The following COMMD1 variants were observed in gnomAD, a reference collection of about 807,000 sequenced individuals.
COMMD1 encodes COMM domain-containing protein 1.
In COMMD1, 10 loss-of-function variants were observed where a neutral mutation model predicts 17.2. The ratio of observed to expected loss-of-function variants is 0.58; its 90% CI spans 0.36 to 0.99. COMMD1 has a LOEUF of 0.99. Ranked by LOEUF, COMMD1 falls within the 50% of genes least tolerant of loss-of-function variation. COMMD1 has a pLI of 0.01. For missense variants in COMMD1, 270 were observed against 231.8 expected (o/e 1.17, Z -1.07); for synonymous variants, 97 against 91.6 (o/e 1.06, Z -0.34).
At chr2:61,926,937 A>G (rs866406006) in intron 1 of COMMD1, among the ~76,000 whole-genome samples, 6 of 152,108 alleles carry the variant, frequency 3.9e-5, no homozygotes, top group South Asian at 2.1e-4. Context: ...CCTCTAATCT[A>G]TTGAGACGTG....
At chr2:61,920,873 A>T (rs1216417934) in intron 1 of COMMD1, among the ~76,000 whole-genome samples, 1 of 150,722 alleles carries the variant, frequency 6.6e-6, no homozygotes, top group South Asian at 2.1e-4. Context: ...GGAGGTATAT[A>T]TGTTTATATA....
intron 1 of COMMD1, among the ~76,000 whole-genome samples, chr2:61,892,878 T>C (rs573631150): frequency 1.2e-4 from 18 of 151,584 alleles, no homozygotes; most frequent in Admixed American, 2.6e-4. Flanking sequence ...TCTTTTTTTT[T>C]CCCCCCTGAA....
chr2:62,001,611 T>C (rs1193624516), intron 2 of COMMD1, among the ~76,000 whole-genome samples: 1 of 152,136 alleles, frequency 6.6e-6, no homozygotes, highest in African/African-American at 2.4e-5. Flanking sequence ...CTTTTAATGA[T>C]CTGGCTTATG....
At chr2:62,094,822 C>T (rs192035266) in intron 2 of COMMD1, among the ~76,000 whole-genome samples, 1 of 152,342 alleles carries the variant, frequency 6.6e-6, no homozygotes, top group Admixed American at 6.5e-5. Flanking sequence ...AGTCTCAATA[C>T]AATTTCTGTA....
chr2:61,983,228 C>T (rs189687137), intron 1 of COMMD1, among the ~76,000 whole-genome samples: 264 of 144,944 alleles, frequency 1.8e-3, no homozygotes, highest in African/African-American at 5.7e-3. Flanking sequence ...CTCCCTCTGT[C>T]GCCCAGGTTG....
At chr2:61,953,965 A>G (rs1671125297) in intron 1 of COMMD1, among the ~76,000 whole-genome samples, 1 of 152,104 alleles carries the variant, frequency 6.6e-6, no homozygotes, top group African/African-American at 2.4e-5. Flanking sequence ...CATGCCTGTA[A>G]TCCCAGCACT....
chr2:62,105,018 G>C (rs539582775), intron 2 of COMMD1, among the ~76,000 whole-genome samples: 3 of 151,844 alleles, frequency 2.0e-5, no homozygotes, highest in African/African-American at 7.3e-5. Flanking sequence ...CCAGCTACTC[G>C]GGAGGTTGAG....
intron 1 of COMMD1, among the ~76,000 whole-genome samples, chr2:61,997,049 A>G (rs897830456): frequency 2.0e-5 from 3 of 148,736 alleles, no homozygotes; most frequent in Admixed American, 2.0e-4. Flanking sequence ...TACAAAATGT[A>G]TTTCTTTCTT....
intron 2 of COMMD1, among the ~76,000 whole-genome samples, chr2:62,123,551 A>G (rs1361453933): frequency 2.0e-5 from 3 of 151,178 alleles, no homozygotes; most frequent in Admixed American, 2.0e-4. Flanking sequence ...GAAGGAAGGA[A>G]GGAAAGAAGG....
chr2:62,077,714 G>C (rs1330081139), intron 2 of COMMD1, among the ~76,000 whole-genome samples: 1 of 152,014 alleles, frequency 6.6e-6, no homozygotes, highest in Non-Finnish European at 1.5e-5. Flanking sequence ...AGCCAAATGA[G>C]AGTGGTCATG....
intron 1 of COMMD1, among the ~76,000 whole-genome samples, chr2:61,996,564 A>C (rs1028446747): frequency 3.3e-5 from 5 of 152,126 alleles, no homozygotes; most frequent in Non-Finnish European, 5.9e-5. Context: ...CCTCTTTCCA[A>C]ATTGGAGTCA....
At chr2:61,935,438 G>C (rs1454029743) in intron 1 of COMMD1, among the ~76,000 whole-genome samples, 5 of 152,136 alleles carry the variant, frequency 3.3e-5, no homozygotes, top group Admixed American at 6.5e-5. Flanking sequence ...AGACCAGCCT[G>C]GCCAACATGG....
chr2:61,985,151 T>C (rs1385469143), intron 1 of COMMD1, among the ~76,000 whole-genome samples: 1 of 151,718 alleles, frequency 6.6e-6, no homozygotes. Context: ...CCCAGGTTAA[T>C]GCCATTCTCC....
chr2:61,950,749 C>T (rs1671030505), intron 1 of COMMD1, among the ~76,000 whole-genome samples: 2 of 152,144 alleles, frequency 1.3e-5, no homozygotes, highest in Admixed American at 6.5e-5. Context: ...TACTAAGTGA[C>T]CTTGGGCAGC....
intron 1 of COMMD1, among the ~76,000 whole-genome samples, chr2:61,890,882 A>T (rs570775736): frequency 6.6e-6 from 1 of 152,008 alleles, no homozygotes; most frequent in East Asian, 1.9e-4. Context: ...GAAGATCCAT[A>T]AACCTCTGAG....
rs77130050 is a variant in COMMD1 at position 61,989,774 on chromosome 2, C to A, written c.181-10927C>A. 3.6e-3 allele frequency among the ~76,000 whole-genome samples: 549 copies of A among 152,250 alleles called. 4 individuals are homozygous for A. Among genetic ancestry groups the A allele is most frequent in the Non-Finnish European group, 5.1e-3 (347 of 68,016 alleles). On this transcript the variant is annotated intron_variant, in intron 1 of 2. Coordinates refer to ENST00000311832, the MANE Select transcript of COMMD1 (RefSeq NM_152516.4). The stretch of plus-strand genomic sequence containing the variant: ...CCACCACACCCAGGCAACTATTGAT[C>A]TTTTCACTGTATTCCATAGTTTTGC...
At chr2:62,020,885 C>A (rs950568330) in intron 2 of COMMD1, among the ~76,000 whole-genome samples, 22 of 152,092 alleles carry the variant, frequency 1.4e-4, no homozygotes, top group African/African-American at 5.1e-4. Flanking sequence ...TGCCTGTAAT[C>A]CCAGCTACTC....
intron 2 of COMMD1, among the ~76,000 whole-genome samples, chr2:62,014,718 C>T (rs1329246074): frequency 4.0e-5 from 6 of 151,260 alleles, no homozygotes; most frequent in Non-Finnish European, 5.9e-5. Flanking sequence ...TGCACCACCA[C>T]GCCAGGCTAA....
chr2:61,965,676 G>A (rs1671486401), intron 1 of COMMD1, among the ~76,000 whole-genome samples: 1 of 152,186 alleles, frequency 6.6e-6, no homozygotes, highest in Admixed American at 6.5e-5. Context: ...GTTACTAAAT[G>A]TGCAAAAATG....
Sources: gnomAD v4.1 joint callset for allele counts (sites outside exome capture counted in the v4.1 genomes callset) on GRCh38, gnomAD v4.1.1 for gene constraint, MANE v1.5 for transcripts, NCBI Gene and HGNC (gene_info 2026-07-23, HGNC 2026-07-21) for gene names.